Variants in ZBBX observed in about 807,000 individuals in gnomAD.
ZBBX encodes the protein zinc finger B-box domain-containing protein 1.
A neutral mutation model predicts 108.5 loss-of-function variants in ZBBX; 101 were observed. That is an observed-to-expected ratio of 0.93 (90% CI 0.79 to 1.10). ZBBX has a LOEUF of 1.10. Ranked by LOEUF, ZBBX falls within the 50% of genes least tolerant of loss-of-function variation. The probability of loss-of-function intolerance (pLI) is 0.00; values close to 1 mark genes in which losing one functional copy is unlikely to be tolerated. For missense variants in ZBBX, 1,009 were observed against 941.4 expected (o/e 1.07, Z -0.94); for synonymous variants, 356 against 323.4 (o/e 1.10, Z -1.08).
chr3:167,205,395 A>T, the ZBBX span, among the ~76,000 whole-genome samples: 1 of 152,138 alleles, frequency 6.6e-6, no homozygotes. Flanking sequence ...AAAAAATAAA[A>T]CACTAAAGAA....
intron 16 of ZBBX, among the ~76,000 whole-genome samples, chr3:167,307,777 C>G (rs1733907722): frequency 6.6e-6 from 1 of 152,128 alleles, no homozygotes; most frequent in Admixed American, 6.5e-5. Context: ...AAGATTGAAG[C>G]TGGACCCCTT....
At chr3:167,306,301 A>G (rs1365599204) in intron 16 of ZBBX, among the ~76,000 whole-genome samples, 1 of 152,188 alleles carries the variant, frequency 6.6e-6, no homozygotes, top group East Asian at 1.9e-4. Flanking sequence ...GTAATTCATG[A>G]GAAGTAACAC....
At chr3:167,237,019 T>C (rs1402702957), downstream of ZBBX, among the ~76,000 whole-genome samples, 2 of 151,854 alleles carry the variant, frequency 1.3e-5, no homozygotes, top group Admixed American at 6.6e-5. Context: ...AGATGAGCAT[T>C]GCTCAAGATC....
chr3:167,203,728 ATTTT>A, the ZBBX span, among the ~76,000 whole-genome samples: 1 of 151,906 alleles, frequency 6.6e-6, no homozygotes, highest in Non-Finnish European at 1.5e-5. Flanking sequence ...TGTTGTATTT[ATTTT>A]GTTTCTTTTT....
At chr3:167,278,943 A>T (rs1728222977) in intron 20 of ZBBX, among the ~76,000 whole-genome samples, 1 of 152,238 alleles carries the variant, frequency 6.6e-6, no homozygotes, top group African/African-American at 2.4e-5. Flanking sequence ...AGGCTGGTTC[A>T]ATATGTGCAA....
the ZBBX span, among the ~76,000 whole-genome samples, chr3:167,222,494 A>T: frequency 6.6e-6 from 1 of 151,872 alleles, no homozygotes; most frequent in Non-Finnish European, 1.5e-5. Flanking sequence ...TACGATGAAT[A>T]AGATCTAGTA....
At chr3:167,260,790 G>T (rs1278336997) in intron 20 of ZBBX, among the ~76,000 whole-genome samples, 5 of 152,294 alleles carry the variant, frequency 3.3e-5, no homozygotes, top group Middle Eastern at 3.4e-3. Context: ...GTTCCTCCCT[G>T]ATTAGCTTAA....
intron 20 of ZBBX, among the ~76,000 whole-genome samples, chr3:167,246,007 G>C (rs1721507822): frequency 6.6e-6 from 1 of 152,090 alleles, no homozygotes; most frequent in Non-Finnish European, 1.5e-5. Flanking sequence ...CCTTGCCTCT[G>C]CTATACATTT....
chr3:167,385,084 A>G (rs1207262824), upstream of ZBBX, among the ~76,000 whole-genome samples: 1 of 152,066 alleles, frequency 6.6e-6, no homozygotes, highest in African/African-American at 2.4e-5. Flanking sequence ...AATTTAATAC[A>G]ATCATGTGTC....
intron 9 of ZBBX, among the ~76,000 whole-genome samples, chr3:167,349,507 C>T (rs1742275597): frequency 6.6e-6 from 1 of 151,890 alleles, no homozygotes; most frequent in South Asian, 2.1e-4. Flanking sequence ...GTATATTTTA[C>T]ATTTTGTGGT....
chr3:167,198,469 T>G, the ZBBX span, among the ~76,000 whole-genome samples: 2 of 152,128 alleles, frequency 1.3e-5, no homozygotes, highest in Non-Finnish European at 2.9e-5. Flanking sequence ...ACCTGTTAAA[T>G]TTCTGGATGG....
chr3:167,330,843 A>AGAGGAG (rs367685431), intron 10 of ZBBX, among the ~76,000 whole-genome samples: 1 of 81,816 alleles, frequency 1.2e-5, no homozygotes, highest in African/African-American at 4.2e-5. Context: ...TAGAAGAGGA[A>AGAGGAG]GAGGAGGAGG....
intron 8 of ZBBX, among the ~76,000 whole-genome samples, chr3:167,356,414 A>G (rs1180040571): frequency 6.6e-6 from 1 of 152,094 alleles, no homozygotes; most frequent in African/African-American, 2.4e-5. Context: ...AGTCCAGTTA[A>G]AATTGCCATT....
At chr3:167,355,556 T>C (rs1363451056) in intron 8 of ZBBX, among the ~76,000 whole-genome samples, 1 of 151,548 alleles carries the variant, frequency 6.6e-6, no homozygotes, top group African/African-American at 2.4e-5. Context: ...TCTATATACA[T>C]AGATATATAT....
At chr3:167,245,152 G>A (rs957790769) in intron 20 of ZBBX, among the ~76,000 whole-genome samples, 2 of 152,204 alleles carry the variant, frequency 1.3e-5, no homozygotes, top group Middle Eastern at 3.4e-3. Context: ...GGTGGCTCAC[G>A]CCTGTAATCC....
intron 8 of ZBBX, among the ~76,000 whole-genome samples, chr3:167,358,280 TA>T (rs1355673960): frequency 6.6e-5 from 10 of 151,342 alleles, no homozygotes; most frequent in Admixed American, 6.6e-4. Flanking sequence ...AGCCAGTAAC[TA>T]AAAGGCAAAT....
rs775962585 is a variant in ZBBX, at chr3:167,305,784, G to A, written c.1584C>T (p.Ser528=). ...KSDDSCVSLE[S]KDTLLGRDLE... ...AATCTCTACCTAGCAAAGTGTCCTT[G>A]CTTTCAAGTGATACACAGGAATCAT... is the stretch of plus-strand genomic sequence containing the variant. The change falls in exon 17 of 22, where the codon AGC becomes AGT. Residue 528 remains serine, a synonymous_variant. Transcript: ENST00000675490. The A allele has an allele frequency of 1.2e-6, 2 of 1,612,798 alleles. No homozygotes were observed. The highest frequency in any genetic ancestry group is 2.2e-5 in the South Asian group (2 of 90,994).
chr3:167,267,514 TA>T (rs1576823142), intron 20 of ZBBX, among the ~76,000 whole-genome samples: 1 of 152,296 alleles, frequency 6.6e-6, no homozygotes, highest in East Asian at 1.9e-4. Flanking sequence ...GGTCTCATGT[TA>T]AAATATTGGA....
the ZBBX span, among the ~76,000 whole-genome samples, chr3:167,225,238 TGC>T: frequency 1.3e-5 from 2 of 152,022 alleles, no homozygotes; most frequent in Admixed American, 1.3e-4. Flanking sequence ...TTACTGCTGC[TGC>T]CATGAGTTAT....
Sources: allele counts gnomAD v4.1 joint callset (sites outside exome capture counted in the v4.1 genomes callset), GRCh38; gene constraint gnomAD v4.1.1; transcripts MANE v1.5; gene names NCBI Gene and HGNC (gene_info 2026-07-23, HGNC 2026-07-21).